MYRIP: variants seen among roughly 807,000 people sequenced by gnomAD.
MYRIP encodes myosin VIIA and Rab interacting protein.
In MYRIP, 49 loss-of-function variants were observed where a neutral mutation model predicts 98.0. That is an observed-to-expected ratio of 0.50 (90% CI 0.40 to 0.63). MYRIP has a LOEUF of 0.63. MYRIP is among the 30% of genes least tolerant of loss of function. The probability of loss-of-function intolerance (pLI) is 0.00; values close to 1 mark genes in which losing one functional copy is unlikely to be tolerated. For synonymous variants in MYRIP, 404 were observed against 409.5 expected (o/e 0.99, Z 0.16); for missense variants, 1,004 against 1,058.2 (o/e 0.95, Z 0.71).
intron 2 of MYRIP, among the ~76,000 whole-genome samples, chr3:39,922,923 T>A (rs896646793): frequency 2.0e-5 from 3 of 152,018 alleles, no homozygotes; most frequent in African/African-American, 7.2e-5. Flanking sequence ...GCAGCCATGA[T>A]TAAAAAATAT....
chr3:39,887,654 C>T (rs1485956324), intron 1 of MYRIP, among the ~76,000 whole-genome samples: 1 of 152,076 alleles, frequency 6.6e-6, no homozygotes, highest in Non-Finnish European at 1.5e-5. Flanking sequence ...TCCTATTCAA[C>T]ATAGTGTTGA....
chr3:40,143,408 G>T (rs369647803), intron 3 of MYRIP, among the ~76,000 whole-genome samples: 1 of 152,142 alleles, frequency 6.6e-6, no homozygotes, highest in Non-Finnish European at 1.5e-5. Context: ...GGGTGCTGGG[G>T]TCCTCACAGC....
intron 3 of MYRIP, among the ~76,000 whole-genome samples, chr3:40,085,089 A>G (rs1478779801): frequency 8.0e-5 from 12 of 150,460 alleles, no homozygotes; most frequent in Middle Eastern, 4.3e-3. Flanking sequence ...ATATGTGTCT[A>G]TGTGTTATAT....
At chr3:40,170,232 G>C (rs1950585541) in intron 8 of MYRIP, 139 bp downstream of exon 8, 11 of 1,093,362 alleles carry the variant, frequency 1.0e-5, no homozygotes, top group African/African-American at 1.6e-5. Flanking sequence ...GAAAGAGAAA[G>C]TGAGTGTGAG....
intron 1 of MYRIP, among the ~76,000 whole-genome samples, chr3:39,876,134 G>A (rs189858620): frequency 4.5e-4 from 68 of 152,206 alleles, no homozygotes; most frequent in Admixed American, 1.3e-3. Flanking sequence ...TTGGTTTAAA[G>A]TCTGTTTTAT....
chr3:40,089,119 G>A (rs1442462986), intron 3 of MYRIP, among the ~76,000 whole-genome samples: 3 of 152,038 alleles, frequency 2.0e-5, no homozygotes, highest in Non-Finnish European at 4.4e-5. Context: ...TGGATGTGAG[G>A]GCCTGGGATC....
At chr3:39,809,421 G>C (rs1388839825), upstream of MYRIP, among the ~76,000 whole-genome samples, 2 of 147,786 alleles carry the variant, frequency 1.4e-5, no homozygotes, top group African/African-American at 2.4e-5. Flanking sequence ...TGCCGCCCGC[G>C]CGCCCGAGGT....
intron 2 of MYRIP, among the ~76,000 whole-genome samples, chr3:39,951,692 C>T (rs143474731): frequency 1.3e-5 from 2 of 152,084 alleles, no homozygotes; most frequent in African/African-American, 4.8e-5. Flanking sequence ...AAAAACCATT[C>T]CCAGCTAATG....
At chr3:39,904,317 C>A (rs756798438) in intron 2 of MYRIP, among the ~76,000 whole-genome samples, 1 of 152,122 alleles carries the variant, frequency 6.6e-6, no homozygotes, top group South Asian at 2.1e-4. Flanking sequence ...CACGATGCAA[C>A]CTCTGTCTCC....
chr3:39,813,528 G>C (rs1361856477), intron 1 of MYRIP, among the ~76,000 whole-genome samples: 1 of 152,154 alleles, frequency 6.6e-6, no homozygotes, highest in African/African-American at 2.4e-5. Context: ...TAAAAGAACT[G>C]CACCTTGAAA....
chr3:39,980,253 T>A lies in MYRIP; in HGVS notation c.111-63797T>A, dbSNP rs146439148. ...CTGACCCCATGGGAGCTCTGGAGCA[T>A]TAATTGTACAACAGACTTGTTCCAC... On this transcript the variant is annotated intron_variant, in intron 2 of 16. Coordinates refer to ENST00000302541, the MANE Select transcript of MYRIP (RefSeq NM_015460.4). Among the ~76,000 whole-genome samples the A allele has an allele frequency of 9.3e-3, 1,420 of 152,228 alleles. 24 individuals are homozygous for A. Among genetic ancestry groups the A allele is most frequent in the African/African-American group, 0.031 (1,306 of 41,548 alleles).
chr3:39,921,442 TACAA>T (rs146233852), intron 2 of MYRIP, among the ~76,000 whole-genome samples: 1 of 152,324 alleles, frequency 6.6e-6, no homozygotes, highest in Non-Finnish European at 1.5e-5. Flanking sequence ...GTTGCCTAAG[TACAA>T]ACAATCATCA....
At chr3:39,979,506 T>C (rs549407293) in intron 2 of MYRIP, among the ~76,000 whole-genome samples, 1 of 151,728 alleles carries the variant, frequency 6.6e-6, no homozygotes, top group Non-Finnish European at 1.5e-5. Flanking sequence ...GGCATGGTGG[T>C]GCATGCCTGT....
At chr3:39,824,077 A>G (rs1466817437) in intron 1 of MYRIP, among the ~76,000 whole-genome samples, 2 of 152,154 alleles carry the variant, frequency 1.3e-5, no homozygotes, top group East Asian at 3.9e-4. Context: ...GCATATGGAC[A>G]TCGTTTTCTC....
At chr3:40,059,817 C>G (rs926906171) in intron 3 of MYRIP, among the ~76,000 whole-genome samples, 3 of 152,138 alleles carry the variant, frequency 2.0e-5, no homozygotes, top group African/African-American at 7.2e-5. Context: ...AGGGCCAGAT[C>G]AACATTCCAT....
chr3:39,879,494 A>C (rs576897226), intron 1 of MYRIP, among the ~76,000 whole-genome samples: 4 of 151,618 alleles, frequency 2.6e-5, no homozygotes, highest in African/African-American at 7.3e-5. Flanking sequence ...AAGTGTATTG[A>C]GTTTTCTTTT....
intron 1 of MYRIP, among the ~76,000 whole-genome samples, chr3:39,863,941 CT>C (rs1942546790): frequency 6.6e-6 from 1 of 152,092 alleles, no homozygotes; most frequent in Non-Finnish European, 1.5e-5. Context: ...CATCAAAAAG[CT>C]AATCCATGAT....
intron 2 of MYRIP, among the ~76,000 whole-genome samples, chr3:39,913,330 C>A (rs1268792017): frequency 6.6e-6 from 1 of 152,146 alleles, no homozygotes. Context: ...TAACCATTAG[C>A]TCTAAAGGGA....
intron 2 of MYRIP, among the ~76,000 whole-genome samples, chr3:39,958,018 C>G (rs148132219): frequency 6.3e-4 from 96 of 151,808 alleles, no homozygotes; most frequent in Admixed American, 5.9e-3. Context: ...CAGTGCTCCA[C>G]GAAATAAAAG....
Sources: gnomAD v4.1 joint callset for allele counts (sites outside exome capture counted in the v4.1 genomes callset) on GRCh38, gnomAD v4.1.1 for gene constraint, MANE v1.5 for transcripts, NCBI Gene and HGNC (gene_info 2026-07-23, HGNC 2026-07-21) for gene names.